The following FSTL5 variants were observed in gnomAD, a reference collection of about 807,000 sequenced individuals.
The protein encoded by FSTL5 is follistatin like 5.
In FSTL5, 62 loss-of-function variants were observed where a neutral mutation model predicts 89.1. That is an observed-to-expected ratio of 0.70 (90% CI 0.57 to 0.86). FSTL5 has a LOEUF of 0.86. FSTL5 is among the 40% of genes least tolerant of loss of function. FSTL5 has a pLI of 0.00. For missense variants in FSTL5, 1,057 were observed against 1,001.6 expected (o/e 1.06, Z -0.75); for synonymous variants, 383 against 346.2 (o/e 1.11, Z -1.18).
chr4:161,656,358 A>G lies in FSTL5; in HGVS notation c.864T>C (p.Ile288=). The part of the protein sequence containing the change: ...PPIIWKRNNI[I]LNNLDLEDIN... ...TGTCTTCCAAATCTAAATTATTTAG[A>G]ATAATATTGTTCCTTTTCCAGATAA... is the stretch of plus-strand genomic sequence containing the variant. The change falls in exon 7 of 16, where the codon ATT becomes ATC. Residue 288 remains isoleucine (I), a synonymous_variant. Coordinates refer to ENST00000306100, the MANE Select transcript of FSTL5 (RefSeq NM_020116.5). 1 of 1,596,378 alleles carries G rather than the reference A, an allele frequency of 6.3e-7. No individual in the cohort carries two copies. The highest frequency in any genetic ancestry group is 1.7e-4 in the Middle Eastern group (1 of 5,996).
At chr4:162,145,527 T>C (rs1177846891) in intron 1 of FSTL5, among the ~76,000 whole-genome samples, 1 of 152,086 alleles carries the variant, frequency 6.6e-6, no homozygotes, top group Non-Finnish European at 1.5e-5. Flanking sequence ...TCCATGAAGT[T>C]ATTAAAAACA....
chr4:161,603,893 T>C (rs554405747), intron 7 of FSTL5, among the ~76,000 whole-genome samples: 1 of 152,166 alleles, frequency 6.6e-6, no homozygotes, highest in East Asian at 1.9e-4. Flanking sequence ...CCCAGTACAA[T>C]GCATTTTTTA....
chr4:161,755,618 T>A (rs1268147112), intron 6 of FSTL5, among the ~76,000 whole-genome samples: 3 of 152,068 alleles, frequency 2.0e-5, no homozygotes, highest in African/African-American at 7.2e-5. Flanking sequence ...TTATAAAGTA[T>A]GTGGAGGAAG....
At chr4:162,140,786 A>G (rs1732698692) in intron 1 of FSTL5, among the ~76,000 whole-genome samples, 1 of 152,192 alleles carries the variant, frequency 6.6e-6, no homozygotes. Flanking sequence ...CAGGTTTGAC[A>G]TGTATTCTGA....
intron 4 of FSTL5, among the ~76,000 whole-genome samples, chr4:161,831,441 T>C (rs1435508405): frequency 6.6e-6 from 1 of 151,884 alleles, no homozygotes; most frequent in Non-Finnish European, 1.5e-5. Flanking sequence ...TTTTGTGGCA[T>C]TTTTGAGGAG....
chr4:161,426,841 T>G (rs1732183257), intron 15 of FSTL5, among the ~76,000 whole-genome samples: 1 of 152,196 alleles, frequency 6.6e-6, no homozygotes. Context: ...CTTAAAACGT[T>G]TGCCAACTAT....
At chr4:162,089,656 A>AGAAAG (rs148984957) in intron 2 of FSTL5, among the ~76,000 whole-genome samples, 6 of 136,416 alleles carry the variant, frequency 4.4e-5, no homozygotes, top group South Asian at 2.3e-4. Flanking sequence ...AAAAAGAAAA[A>AGAAAG]AAAGAAAGAA....
At position 162,086,230 on chromosome 4, in the gene FSTL5, G is replaced by A. The variant is rs187100919; in HGVS notation, c.126+25041C>T. On this transcript the variant is annotated intron_variant, in intron 2 of 15. Transcript: ENST00000306100. Reference sequence around the variant, plus strand: ...CTAGATTAGAAAAAATACACTCTCTGAATGTCTTTATTTATGTAATTCCCA... The same window carrying A: ...CTAGATTAGAAAAAATACACTCTCTAAATGTCTTTATTTATGTAATTCCCA... Among the ~76,000 whole-genome samples, 274 of 151,982 alleles carry A rather than the reference G, an allele frequency of 1.8e-3. 2 individuals are homozygous for A. Among genetic ancestry groups the A allele is most frequent in the Middle Eastern group, 6.8e-3 (2 of 294 alleles).
intron 3 of FSTL5, among the ~76,000 whole-genome samples, chr4:161,989,250 G>T (rs1560955296): frequency 1.3e-5 from 2 of 152,096 alleles, no homozygotes; most frequent in Admixed American, 1.3e-4. Flanking sequence ...TTCTCAAAAA[G>T]ACAAACTAGC....
intron 4 of FSTL5, among the ~76,000 whole-genome samples, chr4:161,919,430 G>A (rs920322284): frequency 6.6e-6 from 1 of 152,124 alleles, no homozygotes; most frequent in Admixed American, 6.5e-5. Flanking sequence ...TATTGTGTTA[G>A]AGAAAGTTTG....
rs72689199 is a variant in FSTL5 at position 161,752,909 on chromosome 4, G to A, written c.727+6502C>T. Among the ~76,000 whole-genome samples, 789 of 152,226 alleles carry A rather than the reference G, an allele frequency of 5.2e-3. 4 individuals carry two copies. The highest frequency in any genetic ancestry group is 8.6e-3 in the Non-Finnish European group (585 of 68,022). Reference sequence around the variant, plus strand: ...TTTGGTGACAATGCAGCAAGAAGGCGGGCATTAGTTTATAAGCCAGGAAGA... The same window carrying A: ...TTTGGTGACAATGCAGCAAGAAGGCAGGCATTAGTTTATAAGCCAGGAAGA... On this transcript the variant is annotated intron_variant, in intron 6 of 15. Transcript: ENST00000306100.
At chr4:161,451,214 AT>A (rs1437722191) in intron 15 of FSTL5, among the ~76,000 whole-genome samples, 2 of 712 alleles carry the variant, frequency 2.8e-3, no homozygotes, top group African/African-American at 0.019. Flanking sequence ...TAAAACTAAA[AT>A]TATGGTTTCC....
At chr4:161,655,274 A>G (rs1736476449) in intron 7 of FSTL5, among the ~76,000 whole-genome samples, 1 of 152,112 alleles carries the variant, frequency 6.6e-6, no homozygotes, top group Admixed American at 6.5e-5. Context: ...AGTAGAGTAC[A>G]AAGGCTTCTG....
intron 1 of FSTL5, among the ~76,000 whole-genome samples, chr4:162,132,329 C>A (rs1177201936): frequency 6.6e-6 from 1 of 152,134 alleles, no homozygotes; most frequent in African/African-American, 2.4e-5. Flanking sequence ...TTTTAAAAAT[C>A]CATTCTTTCT....
At chr4:161,966,287 GCTGT>G (rs1407788645) in intron 3 of FSTL5, among the ~76,000 whole-genome samples, 4 of 151,900 alleles carry the variant, frequency 2.6e-5, no homozygotes, top group Non-Finnish European at 4.4e-5. Flanking sequence ...TTGATTTCTA[GCTGT>G]CTATTTTCAG....
At chr4:161,807,900 T>C (rs543590576) in intron 4 of FSTL5, among the ~76,000 whole-genome samples, 218 of 152,236 alleles carry the variant, frequency 1.4e-3, no homozygotes, top group Non-Finnish European at 2.2e-3. Flanking sequence ...TTGGATAAAC[T>C]ATCCTGGGAA....
Position 161,775,896 on chromosome 4 carries a change from A to G in FSTL5, c.588T>C (p.Asp196=), listed in dbSNP as rs773557396. The change falls in exon 5 of 16, where the codon GAT becomes GAC. Residue 196 remains aspartate (D), a synonymous_variant. Coordinates refer to ENST00000306100, the MANE Select transcript of FSTL5 (RefSeq NM_020116.5). ...YFDADSNGLV[D]INELTQVIKQ... is the part of the protein sequence containing the mutation. ...ATCATACCTGAGTTAGTTCATTAAT[A>G]TCTACAAGTCCATTACTGTCTGCAT... 6.5e-7 allele frequency: 1 copy of G among 1,550,144 alleles called. No homozygotes were observed. Among genetic ancestry groups the G allele is most frequent in the Non-Finnish European group, 8.7e-7 (1 of 1,148,034 alleles).
intron 15 of FSTL5, among the ~76,000 whole-genome samples, chr4:161,425,670 C>G (rs1471006003): frequency 6.6e-6 from 1 of 152,136 alleles, no homozygotes; most frequent in African/African-American, 2.4e-5. Flanking sequence ...ATGTTCTGGT[C>G]TGAGGCAATC....
At chr4:162,013,132 C>T (rs1218109144) in intron 3 of FSTL5, among the ~76,000 whole-genome samples, 2 of 151,712 alleles carry the variant, frequency 1.3e-5, no homozygotes, top group South Asian at 2.1e-4. Context: ...TGTAATGAGC[C>T]GAGATCTTGC....
Sources: gnomAD v4.1 joint callset for allele counts (sites outside exome capture counted in the v4.1 genomes callset) on GRCh38, gnomAD v4.1.1 for gene constraint, MANE v1.5 for transcripts, NCBI Gene and HGNC (gene_info 2026-07-23, HGNC 2026-07-21) for gene names.